HIRA: variants seen among roughly 807,000 people sequenced by gnomAD.
HIRA encodes the protein protein HIRA.
A neutral mutation model predicts 126.6 loss-of-function variants in HIRA; 13 were observed. The observed-to-expected ratio is 0.10, with a 90% CI of 0.07 to 0.16. The LOEUF (loss-of-function observed/expected upper bound fraction) is 0.16, where lower values mean the gene tolerates loss of function less well. Among genes scored for constraint, HIRA ranks in the 10% least tolerant of loss-of-function variants. HIRA has a pLI of 1.00. For synonymous variants in HIRA, 511 were observed against 520.0 expected (o/e 0.98, Z 0.24); for missense variants, 834 against 1,314.4 (o/e 0.63, Z 5.65).
chr22:19,361,661 AG>A (rs2088865194), intron 16 of HIRA, 65 bp downstream of exon 16: 5 of 1,510,910 alleles, frequency 3.3e-6, no homozygotes, highest in Admixed American at 1.7e-5. Context: ...CCATGCACAC[AG>A]GGCCTTCAAG....
intron 17 of HIRA, 110 bp downstream of exon 17, chr22:19,361,127 C>A: frequency 1.2e-6 from 1 of 821,316 alleles, no homozygotes; most frequent in Admixed American, 2.1e-5. Context: ...TGATGGAGAG[C>A]CACTGGAAAC....
chr22:19,407,502 T>C (rs1366547578), intron 3 of HIRA, among the ~76,000 whole-genome samples: 1 of 152,214 alleles, frequency 6.6e-6, no homozygotes, highest in Non-Finnish European at 1.5e-5. Flanking sequence ...ATACATTATC[T>C]GAGAATCGTT....
chr22:19,347,327 A>G (rs2088698174), intron 24 of HIRA, among the ~76,000 whole-genome samples: 1 of 152,256 alleles, frequency 6.6e-6, no homozygotes, highest in African/African-American at 2.4e-5. Context: ...ACCGCAATGA[A>G]CAAATCAAAG....
intron 1 of HIRA, among the ~76,000 whole-genome samples, chr22:19,424,624 C>G (rs2089475024): frequency 6.6e-6 from 1 of 152,128 alleles, no homozygotes; most frequent in South Asian, 2.1e-4. Context: ...GAGTGGCCAG[C>G]CTCAGCACAA....
At position 19,431,623 on chromosome 22, in the gene HIRA, C is replaced by T. The variant is rs946265512; in HGVS notation, c.-147G>A. 3.7e-5 allele frequency: 27 copies of T among 738,198 alleles called. No individual in the cohort carries two copies. Among genetic ancestry groups the T allele is most frequent in the South Asian group, 5.9e-5 (1 of 17,054 alleles). 45.7% of individuals were successfully genotyped at this position (738,198 alleles called of 1,614,324 possible). ...CGCCCTCAGGGCCGCCGCGCCATCG[C>T]CGGCCCGCGCCCCCCTCCGCCGCCA... is the stretch of plus-strand genomic sequence containing the variant. On this transcript the variant is annotated 5_prime_UTR_variant, in exon 1 of 25. Coordinates refer to ENST00000263208, the MANE Select transcript of HIRA (RefSeq NM_003325.4).
At chr22:19,346,762 G>A (rs1350970806) in intron 24 of HIRA, among the ~76,000 whole-genome samples, 1 of 152,192 alleles carries the variant, frequency 6.6e-6, no homozygotes, top group African/African-American at 2.4e-5. Flanking sequence ...CTTGGACATG[G>A]AAGCCACCTT....
Position 19,331,191 on chromosome 22 carries a change from G to A in HIRA, c.*249C>T, listed in dbSNP as rs1011018947. ...TTGCTGGCCCCAGGGCACCTGGGCA[G>A]AGCTCCAGCCCTAGCTCCGCATCGG... is the stretch of plus-strand genomic sequence containing the variant. On this transcript the variant is annotated 3_prime_UTR_variant, in exon 25 of 25. Coordinates refer to ENST00000263208, the MANE Select transcript of HIRA (RefSeq NM_003325.4). 10 of 1,419,980 alleles carry A rather than the reference G, an allele frequency of 7.0e-6. No individual in the cohort carries two copies. The highest frequency in any genetic ancestry group is 2.8e-5 in the African/African-American group (2 of 70,378). 88.0% of individuals were successfully genotyped at this position (1,419,980 alleles called of 1,614,324 possible).
chr22:19,354,143 A>T, intron 21 of HIRA, 25 bp from the exon 22 acceptor site: 1 of 1,606,526 alleles, frequency 6.2e-7, no homozygotes, highest in Non-Finnish European at 8.5e-7. Context: ...GCAGGAGCAG[A>T]GCTCAGGAAA....
chr22:19,414,686 T>G (rs1319845954), intron 1 of HIRA, among the ~76,000 whole-genome samples: 1 of 152,168 alleles, frequency 6.6e-6, no homozygotes, highest in Non-Finnish European at 1.5e-5. Flanking sequence ...AAGAAAATGT[T>G]TGAAACATTT....
Position 19,359,396 on chromosome 22 carries a change from C to T in HIRA, c.2174G>A (p.Arg725Gln), listed in dbSNP as rs780865485. Residue 725 changes from arginine to glutamine, a missense_variant, in exon 18 of 25, where the codon CGG (arginine) becomes CAG (glutamine). Coordinates refer to ENST00000263208, the MANE Select transcript of HIRA (RefSeq NM_003325.4). ...TACCGTCTCCCACTCCTTCCCTTCCCGGTTGCACTTCAGGCGGCTCAGCTT... is the reference window on the plus strand; with the variant it reads ...TACCGTCTCCCACTCCTTCCCTTCCTGGTTGCACTTCAGGCGGCTCAGCTT... ...GVKLSRLKCN[R>Q]EGKEWETVLT... The T allele has an allele frequency of 8.1e-6, 13 of 1,610,818 alleles. No homozygotes were observed. In the East Asian group the frequency reaches 9.0e-5, roughly 11 times the overall value.
intron 13 of HIRA, among the ~76,000 whole-genome samples, chr22:19,379,234 G>A (rs1169188654): frequency 2.0e-5 from 3 of 151,190 alleles, no homozygotes; most frequent in African/African-American, 4.9e-5. Context: ...GGATGGTCTC[G>A]ATCTCCTGAC....
rs1569284036 is a variant in HIRA, at chr22:19,331,669, C to G, written c.2938-113G>C. On this transcript the variant is annotated intron_variant, in intron 24 of 24. Transcript: ENST00000263208. ...GTCTGCTCACGGGAGAAGGAAAGAACAATTCCTCTGCAGGTGAGAAACTGT... is the reference window on the plus strand; with the variant it reads ...GTCTGCTCACGGGAGAAGGAAAGAAGAATTCCTCTGCAGGTGAGAAACTGT... 8.0e-6 allele frequency: 8 copies of G among 1,002,592 alleles called. No homozygotes were observed. In the East Asian group the frequency reaches 1.9e-4, roughly 24 times the overall value. The allele number at this position is 1,002,592 out of a possible 1,614,324, so 62.1% of individuals were successfully genotyped here. A position where few individuals can be genotyped will look rare whatever the true frequency, so the allele number is the denominator to read the frequency against.
intron 15 of HIRA, among the ~76,000 whole-genome samples, chr22:19,368,056 T>G (rs938901025): frequency 6.6e-6 from 1 of 152,180 alleles, no homozygotes; most frequent in Admixed American, 6.5e-5. Context: ...TCTTATTTCC[T>G]CAAGGAGTTC....
chr22:19,400,750 T>C (rs748452252), intron 5 of HIRA, among the ~76,000 whole-genome samples: 5 of 152,160 alleles, frequency 3.3e-5, no homozygotes, highest in Non-Finnish European at 5.9e-5. Flanking sequence ...AGAGGATGAT[T>C]CTTCTAACAC....
At chr22:19,410,371 A>G (rs954906873) in intron 2 of HIRA, among the ~76,000 whole-genome samples, 1 of 152,178 alleles carries the variant, frequency 6.6e-6, no homozygotes, top group African/African-American at 2.4e-5. Context: ...GATGAGAAAA[A>G]TGCTGACAGA....
At position 19,412,739 on chromosome 22, in the gene HIRA, G is replaced by C. The variant is rs545764090; in HGVS notation, c.38-1961C>G. Among the ~76,000 whole-genome samples, 29 of 152,308 alleles carry C rather than the reference G, an allele frequency of 1.9e-4. 1 individual carries two copies. Among genetic ancestry groups the C allele is most frequent in the Admixed American group, 1.9e-3 (29 of 15,294 alleles). On this transcript the variant is annotated intron_variant, in intron 1 of 24. Coordinates refer to ENST00000263208, the MANE Select transcript of HIRA (RefSeq NM_003325.4). Reference sequence around the variant, plus strand: ...TGAGCCAGGCTGTGCTGAGGGCTCAGCTGCACAAGTAACCAATTACAGCCC... The same window carrying C: ...TGAGCCAGGCTGTGCTGAGGGCTCACCTGCACAAGTAACCAATTACAGCCC...
chr22:19,389,208 A>G (rs1431331144), intron 9 of HIRA, among the ~76,000 whole-genome samples: 1 of 152,192 alleles, frequency 6.6e-6, no homozygotes, highest in Admixed American at 6.5e-5. Context: ...TTAACACACA[A>G]TAAGTATGTC....
chr22:19,358,078 C>T (rs1556013241), intron 18 of HIRA, among the ~76,000 whole-genome samples: 1 of 152,160 alleles, frequency 6.6e-6, no homozygotes, highest in Non-Finnish European at 1.5e-5. Context: ...CGGCTCACTG[C>T]AACCTCCGCC....
intron 15 of HIRA, among the ~76,000 whole-genome samples, chr22:19,364,660 G>A (rs913628911): frequency 7.2e-5 from 11 of 152,152 alleles, no homozygotes; most frequent in African/African-American, 1.9e-4. Flanking sequence ...AATAAATGGC[G>A]TTTATGTTCT....
Sources: allele counts gnomAD v4.1 joint callset (sites outside exome capture counted in the v4.1 genomes callset), GRCh38; gene constraint gnomAD v4.1.1; transcripts MANE v1.5; gene names NCBI Gene and HGNC (gene_info 2026-07-23, HGNC 2026-07-21).